Variants in TMEM117 observed in about 807,000 individuals in gnomAD.
TMEM117 encodes the protein transmembrane protein 117.
TMEM117 carries 27 observed loss-of-function variants against 52.4 expected under a neutral mutation model. The observed-to-expected ratio is 0.51, with a 90% CI of 0.38 to 0.71. TMEM117 has a LOEUF of 0.71. TMEM117 is among the 30% of genes least tolerant of loss of function. The pLI is 0.00. For synonymous variants in TMEM117, 215 were observed against 206.3 expected (o/e 1.04, Z -0.36); for missense variants, 556 against 630.5 (o/e 0.88, Z 1.26).
intron 3 of TMEM117, among the ~76,000 whole-genome samples, chr12:44,086,266 T>C (rs1443852756): frequency 6.9e-6 from 1 of 145,466 alleles, no homozygotes. Flanking sequence ...CAGGCTGGAG[T>C]GTAGTGGCAT....
chr12:43,952,668 T>A (rs1420850480), intron 3 of TMEM117, among the ~76,000 whole-genome samples: 1 of 152,124 alleles, frequency 6.6e-6, no homozygotes, highest in African/African-American at 2.4e-5. Context: ...TTACAACTGA[T>A]TGAAGTACCT....
intron 6 of TMEM117, among the ~76,000 whole-genome samples, chr12:44,312,554 T>C (rs1267314371): frequency 2.0e-5 from 3 of 152,198 alleles, no homozygotes; most frequent in African/African-American, 7.2e-5. Flanking sequence ...CTATTGTGAA[T>C]AGCTCTGTGA....
chr12:44,120,182 T>G (rs1157877178), intron 3 of TMEM117, among the ~76,000 whole-genome samples: 1 of 152,088 alleles, frequency 6.6e-6, no homozygotes, highest in Admixed American at 6.6e-5. Flanking sequence ...GGGGATGATT[T>G]AGCTAAGTTG....
rs778017782 is a variant in TMEM117, at chr12:44,143,637, T to G, written c.510+13T>G. The G allele has an allele frequency of 1.7e-4, 271 of 1,588,434 alleles. No individual in the cohort carries two copies. The highest frequency in any genetic ancestry group is 2.1e-4 in the Non-Finnish European group (248 of 1,158,470). ...CACAGCTTGGATGGTAAGAAAATTT[T>G]AACTTCACCCATTTCAAACATCAAA... On this transcript the variant is annotated intron_variant, in intron 4 of 7. Coordinates refer to ENST00000266534, the MANE Select transcript of TMEM117 (RefSeq NM_032256.3).
intron 4 of TMEM117, among the ~76,000 whole-genome samples, chr12:44,152,286 ATTATAT>A (rs1367098034): frequency 9.0e-6 from 1 of 111,184 alleles, no homozygotes; most frequent in Non-Finnish European, 1.6e-5. Context: ...ATTATATATA[ATTATAT>A]TTATAATATT....
At chr12:44,106,876 A>G (rs1349287693) in intron 3 of TMEM117, among the ~76,000 whole-genome samples, 1 of 152,036 alleles carries the variant, frequency 6.6e-6, no homozygotes, top group Non-Finnish European at 1.5e-5. Context: ...GGAAATGTAT[A>G]CATATATTTC....
chr12:43,845,041 C>A, intron 2 of TMEM117, 113 bp downstream of exon 2: 1 of 1,263,210 alleles, frequency 7.9e-7, no homozygotes, highest in East Asian at 2.4e-5. Context: ...AGTTTGTCCT[C>A]CTGCCTTAAG....
intron 3 of TMEM117, among the ~76,000 whole-genome samples, chr12:44,039,839 T>G (rs991380866): frequency 1.3e-5 from 2 of 152,208 alleles, no homozygotes; most frequent in African/African-American, 4.8e-5. Flanking sequence ...TACATGTTGC[T>G]TCTCCTTGAT....
chr12:44,086,881 G>A (rs1947577214), intron 3 of TMEM117, among the ~76,000 whole-genome samples: 1 of 150,556 alleles, frequency 6.6e-6, no homozygotes, highest in Admixed American at 6.6e-5. Flanking sequence ...GACAGCAAAT[G>A]TGATGTCATT....
chr12:44,027,132 ATATTT>A (rs781312092), intron 3 of TMEM117, among the ~76,000 whole-genome samples: 12,604 of 103,434 alleles, frequency 0.12, 719 homozygotes, highest in East Asian at 0.15. Context: ...ATTTTATTTT[ATATTT>A]TATTTTATTT....
chr12:44,100,381 T>C (rs570815998), intron 3 of TMEM117, among the ~76,000 whole-genome samples: 1 of 152,128 alleles, frequency 6.6e-6, no homozygotes, highest in South Asian at 2.1e-4. Flanking sequence ...TATATATAGA[T>C]ATCTATGCAT....
chr12:44,161,579 A>ATG (rs998269203), intron 4 of TMEM117, among the ~76,000 whole-genome samples: 1 of 152,216 alleles, frequency 6.6e-6, no homozygotes, highest in African/African-American at 2.4e-5. Flanking sequence ...GTAAATGCAT[A>ATG]TGTGTGTGTG....
At chr12:43,852,458 T>C (rs965282511) in intron 2 of TMEM117, among the ~76,000 whole-genome samples, 3 of 151,942 alleles carry the variant, frequency 2.0e-5, no homozygotes, top group Admixed American at 1.3e-4. Flanking sequence ...AAAAATTAGC[T>C]GGGTGTGGTG....
chr12:43,904,911 A>T (rs2137514218), intron 2 of TMEM117, among the ~76,000 whole-genome samples: 1 of 152,334 alleles, frequency 6.6e-6, no homozygotes, highest in African/African-American at 2.4e-5. Context: ...TGGGAGGACA[A>T]GGCAGGCAGA....
chr12:44,362,155 A>T (rs552381180), intron 6 of TMEM117, among the ~76,000 whole-genome samples: 14 of 152,092 alleles, frequency 9.2e-5, no homozygotes, highest in Non-Finnish European at 1.8e-4. Context: ...TTTGCAAAAC[A>T]TATCACCACG....
chr12:44,299,552 TC>T, intron 5 of TMEM117, 27 bp from the exon 6 acceptor site: 2 of 1,612,378 alleles, frequency 1.2e-6, no homozygotes, highest in Non-Finnish European at 1.7e-6. Context: ...TGCCTTATGT[TC>T]TTTAATGAGT....
intron 5 of TMEM117, among the ~76,000 whole-genome samples, chr12:44,219,851 T>C (rs548535142): frequency 6.6e-6 from 1 of 152,280 alleles, no homozygotes; most frequent in Non-Finnish European, 1.5e-5. Flanking sequence ...GCAAGAACAG[T>C]TGGTATCTAA....
intron 3 of TMEM117, among the ~76,000 whole-genome samples, chr12:43,996,989 T>TG (rs1481317228): frequency 2.0e-5 from 3 of 152,242 alleles, no homozygotes; most frequent in Non-Finnish European, 4.4e-5. Flanking sequence ...AGACAGTGCC[T>TG]GTGATTCCAG....
At chr12:44,222,511 C>G (rs1319852221) in intron 5 of TMEM117, among the ~76,000 whole-genome samples, 2 of 152,300 alleles carry the variant, frequency 1.3e-5, no homozygotes, top group African/African-American at 4.8e-5. Context: ...CCTTGAGTGC[C>G]TTCATGTGAA....
Sources: allele counts gnomAD v4.1 joint callset (sites outside exome capture counted in the v4.1 genomes callset), GRCh38; gene constraint gnomAD v4.1.1; transcripts MANE v1.5; gene names NCBI Gene and HGNC (gene_info 2026-07-23, HGNC 2026-07-21).